The following SPATA6L variants were observed in gnomAD, a reference collection of about 807,000 sequenced individuals.
SPATA6L encodes the protein spermatogenesis associated 6-like protein.
A neutral mutation model predicts 49.2 loss-of-function variants in SPATA6L; 68 were observed. That is an observed-to-expected ratio of 1.38 (90% CI 1.14 to 1.69). The LOEUF is 1.69. SPATA6L is among the 40% of genes most tolerant of loss of function. The pLI, the probability that SPATA6L is intolerant of heterozygous loss-of-function variation, is 0.00. For synonymous variants in SPATA6L, 198 were observed against 165.7 expected, an observed-to-expected ratio of 1.19 and a Z score of -1.50; for missense variants, 668 against 464.3, an observed-to-expected ratio of 1.44 and a Z score of -4.03.
At chr9:4,654,916 C>A (rs1837767528) in intron 3 of SPATA6L, among the ~76,000 whole-genome samples, 1 of 152,086 alleles carries the variant, frequency 6.6e-6, no homozygotes, top group South Asian at 2.1e-4. Flanking sequence ...GGGGATGGAG[C>A]CCTAGCCAGG....
At chr9:4,657,657 T>G (rs963237223) in intron 2 of SPATA6L, among the ~76,000 whole-genome samples, 3 of 152,208 alleles carry the variant, frequency 2.0e-5, no homozygotes, top group African/African-American at 7.2e-5. Context: ...AGACCTCCGC[T>G]GCTGCATTAT....
At chr9:4,635,509 A>G (rs529907057) in intron 3 of SPATA6L, 110 bp from the exon 4 acceptor site, 2 of 1,054,936 alleles carry the variant, frequency 1.9e-6, no homozygotes, top group Admixed American at 3.6e-5. Context: ...AAAAATAGAC[A>G]TATTGATCCT....
At chr9:4,612,192 C>T (rs1384890470) in intron 9 of SPATA6L, among the ~76,000 whole-genome samples, 5 of 152,040 alleles carry the variant, frequency 3.3e-5, no homozygotes, top group Admixed American at 3.3e-4. Flanking sequence ...CCAGGCTGGT[C>T]TCAAACTTTT....
intron 4 of SPATA6L, among the ~76,000 whole-genome samples, chr9:4,630,298 T>C (rs746950082): frequency 6.6e-6 from 1 of 152,178 alleles, no homozygotes; most frequent in African/African-American, 2.4e-5. Flanking sequence ...TATTGTATAA[T>C]AATTTTTAAA....
At position 4,604,162 on chromosome 9, in the gene SPATA6L, C is replaced by T; in HGVS notation, c.*1+17G>A. On this transcript the variant is annotated intron_variant, in intron 11 of 11. Coordinates refer to ENST00000682582, the MANE Select transcript of SPATA6L (RefSeq NM_001353486.2). Reference sequence around the variant, plus strand: ...TAAGGAGAAGCACTTAAGCTGCTTACTTACATAAGACAGTACCTTAAAAAT... The same window carrying T: ...TAAGGAGAAGCACTTAAGCTGCTTATTTACATAAGACAGTACCTTAAAAAT... 12 of 1,557,884 alleles carry T rather than the reference C, an allele frequency of 7.7e-6. No individual in the cohort carries two copies. The highest frequency in any genetic ancestry group is 1.1e-5 in the Non-Finnish European group (12 of 1,140,216).
chr9:4,637,456 C>A (rs1473161221), intron 3 of SPATA6L, among the ~76,000 whole-genome samples: 4 of 152,186 alleles, frequency 2.6e-5, no homozygotes, highest in Non-Finnish European at 4.4e-5. Context: ...TCGTGATCTG[C>A]TTCCATCAAG....
chr9:4,635,107 T>C (rs1832519655), intron 4 of SPATA6L, among the ~76,000 whole-genome samples, 168 bp downstream of exon 4: 1 of 152,198 alleles, frequency 6.6e-6, no homozygotes, highest in Non-Finnish European at 1.5e-5. Flanking sequence ...AGATCAATAC[T>C]GGAAATCAGT....
At chr9:4,638,628 G>T (rs957747522) in intron 3 of SPATA6L, among the ~76,000 whole-genome samples, 1 of 151,816 alleles carries the variant, frequency 6.6e-6, no homozygotes, top group South Asian at 2.1e-4. Flanking sequence ...TCCCACCCTT[G>T]TTGGCCAAAA....
intron 3 of SPATA6L, among the ~76,000 whole-genome samples, chr9:4,644,581 G>C (rs1834863753): frequency 6.6e-6 from 1 of 151,810 alleles, no homozygotes. Context: ...TTATGAAGCT[G>C]TTTTCATTTT....
At chr9:4,643,780 A>G (rs966718122) in intron 3 of SPATA6L, among the ~76,000 whole-genome samples, 1 of 152,174 alleles carries the variant, frequency 6.6e-6, no homozygotes, top group Non-Finnish European at 1.5e-5. Context: ...CGAAGCAGGC[A>G]GATCACCTGA....
intron 3 of SPATA6L, among the ~76,000 whole-genome samples, chr9:4,644,368 T>A (rs1834809063): frequency 6.6e-6 from 1 of 151,024 alleles, no homozygotes; most frequent in South Asian, 2.1e-4. Flanking sequence ...AAAATAAAAT[T>A]AAATTTAAAA....
chr9:4,609,835 G>A lies in SPATA6L; in HGVS notation c.996-4395C>T, dbSNP rs201435969. Among the ~76,000 whole-genome samples, 433 of 149,826 alleles carry A rather than the reference G, an allele frequency of 2.9e-3. 3 individuals carry two copies. The highest frequency in any genetic ancestry group is 9.7e-3 in the African/African-American group (387 of 39,744). The stretch of plus-strand genomic sequence containing the variant: ...AGAAGGAAATAAAGGGTATTCAATT[G>A]GGAAAAGAAGAAGTCAAATTGTCCC... On this transcript the variant is annotated intron_variant, in intron 9 of 11. Coordinates refer to ENST00000682582, the MANE Select transcript of SPATA6L (RefSeq NM_001353486.2).
At chr9:4,603,424 C>CAAAACA (rs1321181966) in intron 11 of SPATA6L, among the ~76,000 whole-genome samples, 1 of 151,896 alleles carries the variant, frequency 6.6e-6, no homozygotes, top group Non-Finnish European at 1.5e-5. Flanking sequence ...AGCTCCATGT[C>CAAAACA]AAAACAAAAA....
rs559631581 is a variant in SPATA6L at position 4,636,289 on chromosome 9, T to C, written c.227-890A>G. On this transcript the variant is annotated intron_variant, in intron 3 of 11. Transcript: ENST00000682582. ...TACTTACATATTAACATATACATTT[T>C]ATTATAAACCACTTTCATTTTTCCT... 3.3e-5 allele frequency among the ~76,000 whole-genome samples: 5 copies of C among 152,336 alleles called. No homozygotes were observed. The South Asian group carries it at 6.2e-4, about 19-fold the overall frequency.
intron 7 of SPATA6L, 46 bp from the exon 8 acceptor site, chr9:4,618,944 T>C: frequency 6.3e-7 from 1 of 1,583,800 alleles, no homozygotes; most frequent in Non-Finnish European, 8.7e-7. Context: ...TTATTACCAT[T>C]TAGCCTTAAA....
intron 10 of SPATA6L, among the ~76,000 whole-genome samples, chr9:4,604,942 A>G (rs563656040): frequency 2.0e-5 from 3 of 152,214 alleles, no homozygotes; most frequent in Non-Finnish European, 2.9e-5. Context: ...ACTTTCTTCC[A>G]TGTTGTGGCC....
intron 13 of SPATA6L, among the ~76,000 whole-genome samples, chr9:4,591,758 T>C (rs1037374876): frequency 6.6e-5 from 10 of 152,174 alleles, no homozygotes; most frequent in Non-Finnish European, 1.5e-4. Flanking sequence ...AAATTAGACA[T>C]GCAAATAAGG....
At chr9:4,631,049 C>G (rs1831430028) in intron 4 of SPATA6L, among the ~76,000 whole-genome samples, 1 of 152,184 alleles carries the variant, frequency 6.6e-6, no homozygotes, top group South Asian at 2.1e-4. Flanking sequence ...AAGGAAGTCC[C>G]CTGCTGGTAA....
At chr9:4,642,142 T>C (rs371290739) in intron 3 of SPATA6L, among the ~76,000 whole-genome samples, 7 of 152,212 alleles carry the variant, frequency 4.6e-5, no homozygotes, top group East Asian at 3.8e-4. Context: ...TTACATACTT[T>C]CGTGTTAAAT....
Sources: gnomAD v4.1 joint callset for allele counts (sites outside exome capture counted in the v4.1 genomes callset) on GRCh38, gnomAD v4.1.1 for gene constraint, MANE v1.5 for transcripts, NCBI Gene and HGNC (gene_info 2026-07-23, HGNC 2026-07-21) for gene names.